The following DCPH1 variants were observed in gnomAD, a reference collection of about 807,000 sequenced individuals.
DCPH1 encodes damage-control phosphatase 1.
At chr6:151,452,836 T>C in the DCPH1 span, 1 of 437,718 alleles carries the variant, frequency 2.3e-6, no homozygotes, top group South Asian at 4.5e-5. Context: ...TCGCGGTCTG[T>C]TCCTGGCGGT....
the DCPH1 span, among the ~76,000 whole-genome samples, chr6:151,453,656 A>G: frequency 6.6e-6 from 1 of 152,228 alleles, no homozygotes; most frequent in Non-Finnish European, 1.5e-5. Context: ...GTAATTTAAC[A>G]ATTGTCTCCT....
the DCPH1 span, chr6:151,458,411 C>T: frequency 6.2e-7 from 1 of 1,613,392 alleles, no homozygotes; most frequent in Non-Finnish European, 8.5e-7. Context: ...CATTTATCCC[C>T]TTGGTTGAGA....
the DCPH1 span, among the ~76,000 whole-genome samples, chr6:151,457,517 CTTCTT>C: frequency 1.6e-4 from 24 of 152,240 alleles, no homozygotes; most frequent in Admixed American, 7.8e-4. Flanking sequence ...TCAGCTACAA[CTTCTT>C]TTCTTCTATT....
At chr6:151,460,272 A>G in the DCPH1 span, among the ~76,000 whole-genome samples, 2 of 151,636 alleles carry the variant, frequency 1.3e-5, no homozygotes, top group South Asian at 2.1e-4. Flanking sequence ...TATTTTTTGT[A>G]GAGATGGGGT....
At chr6:151,462,143 G>A in the DCPH1 span, among the ~76,000 whole-genome samples, 2 of 152,082 alleles carry the variant, frequency 1.3e-5, no homozygotes, top group African/African-American at 4.8e-5. Context: ...AACATATTAG[G>A]TAAATACACT....
the DCPH1 span, among the ~76,000 whole-genome samples, chr6:151,460,644 C>T: frequency 0.086 from 13,047 of 151,412 alleles, 780 homozygotes; most frequent in East Asian, 0.16. Context: ...ATTAGCTGGG[C>T]GCGGTGGTGC....
At chr6:151,462,239 T>C in the DCPH1 span, among the ~76,000 whole-genome samples, 5 of 152,276 alleles carry the variant, frequency 3.3e-5, no homozygotes, top group East Asian at 5.8e-4. Flanking sequence ...TATAGAAAAA[T>C]GTGCATGTCT....
At chr6:151,452,716 C>T in the DCPH1 span, 13 of 966,888 alleles carry the variant, frequency 1.3e-5, no homozygotes, top group Non-Finnish European at 1.7e-5. Flanking sequence ...CGCGGCTTTC[C>T]GGGGCGCCTT....
At chr6:151,457,201 T>C in the DCPH1 span, among the ~76,000 whole-genome samples, 1 of 152,198 alleles carries the variant, frequency 6.6e-6, no homozygotes, top group Non-Finnish European at 1.5e-5. Context: ...GTCCGTGCCC[T>C]TAGACTACCT....
chr6:151,459,168 T>C, the DCPH1 span, among the ~76,000 whole-genome samples: 1 of 152,160 alleles, frequency 6.6e-6, no homozygotes, highest in African/African-American at 2.4e-5. Context: ...GTGAATTAAT[T>C]AAAGATTCCA....
the DCPH1 span, chr6:151,469,064 G>A: frequency 6.2e-7 from 1 of 1,613,746 alleles, no homozygotes; most frequent in Non-Finnish European, 8.5e-7. Flanking sequence ...CCCAGCTGGT[G>A]GACCACTGGA....
chr6:151,466,701 A>G, the DCPH1 span, among the ~76,000 whole-genome samples: 1 of 152,282 alleles, frequency 6.6e-6, no homozygotes, highest in Non-Finnish European at 1.5e-5. Context: ...GATCCTCCCT[A>G]TCAAAACTTG....
chr6:151,463,124 A>G, the DCPH1 span, among the ~76,000 whole-genome samples: 1 of 152,208 alleles, frequency 6.6e-6, no homozygotes, highest in Non-Finnish European at 1.5e-5. Flanking sequence ...TCAAAAATAT[A>G]AAAACCACTC....
chr6:151,465,901 C>G, the DCPH1 span, among the ~76,000 whole-genome samples: 1 of 152,106 alleles, frequency 6.6e-6, no homozygotes, highest in Non-Finnish European at 1.5e-5. Context: ...ATTTTGAGTT[C>G]AAAACAAAAA....
At chr6:151,469,090 CA>C in the DCPH1 span, 1 of 1,611,698 alleles carries the variant, frequency 6.2e-7, no homozygotes, top group Non-Finnish European at 8.5e-7. Context: ...TGGAATATTT[CA>C]GTACGATGGT....
chr6:151,468,773 AC>A, the DCPH1 span: 5 of 1,614,042 alleles, frequency 3.1e-6, no homozygotes, highest in African/African-American at 1.3e-5. Context: ...AAATGGGTTT[AC>A]CACAATCATA....
At chr6:151,466,742 A>G in the DCPH1 span, among the ~76,000 whole-genome samples, 1 of 152,146 alleles carries the variant, frequency 6.6e-6, no homozygotes, top group East Asian at 1.9e-4. Context: ...CAATGAAGTA[A>G]TTGCACAAAG....
At chr6:151,455,649 C>G in the DCPH1 span, among the ~76,000 whole-genome samples, 1 of 152,206 alleles carries the variant, frequency 6.6e-6, no homozygotes, top group Non-Finnish European at 1.5e-5. Flanking sequence ...GGTTTTATAC[C>G]GAGACATTCC....
chr6:151,465,383 G>A, the DCPH1 span, among the ~76,000 whole-genome samples: 1 of 152,140 alleles, frequency 6.6e-6, no homozygotes, highest in Non-Finnish European at 1.5e-5. Context: ...GCAGGAAAAG[G>A]GCGTTGGGAA....
Sources: gnomAD v4.1 joint callset for allele counts (sites outside exome capture counted in the v4.1 genomes callset) on GRCh38, gnomAD v4.1.1 for gene constraint, MANE v1.5 for transcripts, NCBI Gene and HGNC (gene_info 2026-07-23, HGNC 2026-07-21) for gene names.